The following DHRS7 variants were observed in gnomAD, a reference collection of about 807,000 sequenced individuals.
The protein encoded by DHRS7 is dehydrogenase/reductase 7, also known as dehydrogenase/reductase SDR family member 7.
DHRS7 carries 34 observed loss-of-function variants against 38.9 expected under a neutral mutation model. That is an observed-to-expected ratio of 0.87 (90% confidence interval 0.66 to 1.16). DHRS7 has a LOEUF of 1.16. Ranked by LOEUF, DHRS7 falls within the 50% of genes most tolerant of loss-of-function variation. DHRS7 has a pLI of 0.00. For missense variants in DHRS7, 421 were observed against 407.0 expected (o/e 1.03, Z -0.30); for synonymous variants, 158 against 153.1 (o/e 1.03, Z -0.24).
upstream of DHRS7, chr14:60,165,626 A>C: frequency 2.7e-6 from 3 of 1,126,814 alleles, no homozygotes; most frequent in South Asian, 3.6e-5. The surrounding 1 kb of genome is among the most constrained non-coding windows in gnomAD (Gnocchi z 4.6). Context: ...TAAATAAATA[A>C]AATTCCAGTA....
intron 5 of DHRS7, 68 bp from the exon 6 acceptor site, chr14:60,149,636 T>C: frequency 7.9e-7 from 1 of 1,268,570 alleles, no homozygotes; most frequent in South Asian, 1.5e-5. Flanking sequence ...TAGAAAGGAC[T>C]CAAATGCCGT....
At chr14:60,154,958 G>A (rs1027408400) in intron 2 of DHRS7, among the ~76,000 whole-genome samples, 1 of 151,984 alleles carries the variant, frequency 6.6e-6, no homozygotes, top group Non-Finnish European at 1.5e-5. Context: ...CTGTTGCCCT[G>A]CTGAGCACTA....
intron 4 of DHRS7, 162 bp downstream of exon 4, chr14:60,152,777 C>G: frequency 1.5e-6 from 1 of 677,568 alleles, no homozygotes; most frequent in South Asian, 1.9e-5. Flanking sequence ...TGGATCAAGT[C>G]TTTTTTAGCA....
chr14:60,150,144 C>T lies in DHRS7; in HGVS notation c.677G>A (p.Gly226Asp), dbSNP rs923670519. The change falls in exon 5 of 7, where the codon GGT becomes GAT. Residue 226 changes from glycine to aspartate, a missense_variant. Coordinates refer to ENST00000557185, the MANE Select transcript of DHRS7 (RefSeq NM_016029.4). ...TGGGCAAATGTTAGAAACTATTATA[C>T]CTGGGTATGTGGCAAGTTCTGTTCG... is the stretch of plus-strand genomic sequence containing the variant. The part of the protein sequence containing the change: ...GLRTELATYP[G>D]IIVSNICPGP... 2.5e-6 allele frequency: 4 copies of T among 1,597,582 alleles called. No individual in the cohort carries two copies. Among genetic ancestry groups the T allele is most frequent in the Non-Finnish European group, 3.4e-6 (4 of 1,174,090 alleles).
chr14:60,159,182 CAAGAT>C (rs1896714572), intron 1 of DHRS7: 1 of 357,822 alleles, frequency 2.8e-6, no homozygotes, highest in Admixed American at 3.8e-5. Flanking sequence ...ACATACACTT[CAAGAT>C]CTCCCTGTCA....
chr14:60,152,028 G>A (rs964151634), intron 4 of DHRS7, among the ~76,000 whole-genome samples: 4 of 152,136 alleles, frequency 2.6e-5, no homozygotes, highest in Admixed American at 6.5e-5. Flanking sequence ...ATAGCATTCC[G>A]CTTCATCACT....
chr14:60,160,638 C>T (rs945404355), intron 1 of DHRS7, among the ~76,000 whole-genome samples: 33 of 152,216 alleles, frequency 2.2e-4, no homozygotes, highest in African/African-American at 7.7e-4. Flanking sequence ...AGCTGGAGTG[C>T]AGTGGCATGA....
chr14:60,149,411 G>A lies in DHRS7; in HGVS notation c.914C>T (p.Ala305Val), dbSNP rs1048906207. ...TYLWQYMPTW[A>V]WWITNKMGKK... ...CCCCATCTTGTTGGTTATCCACCAG[G>A]CCCAGGTTGGCATGTATTGCCACAA... Residue 305 changes from alanine to valine, a missense_variant, in exon 6 of 7, where the codon GCC becomes GTC. Physicochemically the swap from Ala to Val is moderately conservative, Grantham distance 64. Transcript: ENST00000557185. 2 of 1,614,118 alleles carry A rather than the reference G, an allele frequency of 1.2e-6. No individual in the cohort carries two copies. The highest frequency in any genetic ancestry group is 8.5e-7 in the Non-Finnish European group (1 of 1,180,028).
At position 60,156,069 on chromosome 14, in the gene DHRS7, G is replaced by T; in HGVS notation, c.217C>A (p.Leu73Ile). 1 of 1,606,920 alleles carries T rather than the reference G, an allele frequency of 6.2e-7. No individual in the cohort carries two copies. Among genetic ancestry groups the T allele is most frequent in the South Asian group, 1.1e-5 (1 of 90,058 alleles). The change falls in exon 2 of 7, where the codon CTA (leucine) becomes ATA (isoleucine). Residue 73 changes from leucine (L) to isoleucine (I), a missense_variant. Physicochemically the swap from Leu to Ile is conservative, Grantham distance 5. Transcript: ENST00000557185. ...GEELAYQLSK[L>I]GVSLVLSARR... ...GCTGACAGCACAAGAGAAACTCCTA[G>T]TTTAGACAACTGGTAAGCCAGCTCC...
rs1896773985 is a variant in DHRS7, at chr14:60,162,045, G to A, written c.133+3132C>T. Among the ~76,000 whole-genome samples the A allele has an allele frequency of 6.6e-6, 1 of 152,032 alleles. No homozygotes were observed. Among genetic ancestry groups the A allele is most frequent in the South Asian group, 2.1e-4 (1 of 4,826 alleles). On this transcript the variant is annotated intron_variant, in intron 1 of 6. Coordinates refer to ENST00000557185, the MANE Select transcript of DHRS7 (RefSeq NM_016029.4). This position sits in a 1 kb window ranked among gnomAD's most constrained non-coding sequence, Gnocchi z 4.5. ...CTAGACTTGTGCCATGGATTTTTCTGGACCATTTTAATGTCTAAAATTAGT... is the reference window on the plus strand; with the variant it reads ...CTAGACTTGTGCCATGGATTTTTCTAGACCATTTTAATGTCTAAAATTAGT...
chr14:60,164,178 ATTTT>A (rs61331316), intron 1 of DHRS7, among the ~76,000 whole-genome samples: 5 of 118,894 alleles, frequency 4.2e-5, no homozygotes, highest in African/African-American at 7.1e-5. Flanking sequence ...GTATTACCAG[ATTTT>A]TTTTTTTTTT....
At position 60,144,219 on chromosome 14, in the gene DHRS7, A is replaced by G. The variant is rs956134118; in HGVS notation, c.*747T>C. 3.9e-5 allele frequency: 6 copies of G among 152,250 alleles called. No individual in the cohort carries two copies. Among genetic ancestry groups the G allele is most frequent in the Non-Finnish European group, 8.8e-5 (6 of 68,054 alleles). The allele number at this position is 152,250 out of a possible 1,614,324, so 9.4% of individuals were successfully genotyped here. A position where few individuals can be genotyped will look rare whatever the true frequency, so the allele number is the denominator to read the frequency against. On this transcript the variant is annotated 3_prime_UTR_variant, in exon 7 of 7. Transcript: ENST00000557185. ...CCATCTGTACCTGTCAACTTTTCTA[A>G]GAGTATAAGCATCTTGGAGGTAAGG...
chr14:60,169,157 A>AAAAAAAAAAC (rs1566539386), upstream of DHRS7: 56 of 150,206 alleles, frequency 3.7e-4, no homozygotes, highest in East Asian at 2.0e-3. Flanking sequence ...AAAAAAAAAA[A>AAAAAAAAAAC]AAAACCATTG....
chr14:60,159,146 C>A, intron 1 of DHRS7: 1 of 389,884 alleles, frequency 2.6e-6, no homozygotes, highest in South Asian at 2.2e-5. Context: ...AAAAACACAG[C>A]TTATTAATCA....
upstream of DHRS7, among the ~76,000 whole-genome samples, chr14:60,166,787 G>A (rs973745332): frequency 6.6e-6 from 1 of 152,224 alleles, no homozygotes; most frequent in African/African-American, 2.4e-5. Context: ...ATATAGTATT[G>A]TTCCAATGGA....
chr14:60,168,749 GA>G (rs1378485027), upstream of DHRS7: 1 of 1,554,384 alleles, frequency 6.4e-7, no homozygotes, highest in Admixed American at 1.9e-5. Flanking sequence ...TCAGATTTAA[GA>G]AAAACAAAAT....
chr14:60,145,263 A>G lies in DHRS7; in HGVS notation c.973-250T>C. ...GAGGTATAAATAGCATTGGACTGCA[A>G]TGCTAAATTCTCTATAATGACTTTT... On this transcript the variant is annotated intron_variant, in intron 6 of 6. Transcript: ENST00000557185. The surrounding 1 kb of genome is among the most constrained non-coding windows in gnomAD (Gnocchi z 4.0). 1 of 316,440 alleles carries G rather than the reference A, an allele frequency of 3.2e-6. No homozygotes were observed. 19.6% of individuals were successfully genotyped at this position (316,440 alleles called of 1,614,324 possible). A position where few individuals can be genotyped will look rare whatever the true frequency, so the allele number is the denominator to read the frequency against.
intron 1 of DHRS7, among the ~76,000 whole-genome samples, chr14:60,157,941 T>A (rs1437033013): frequency 1.3e-5 from 2 of 152,066 alleles, no homozygotes; most frequent in Non-Finnish European, 2.9e-5. Context: ...CATGTAAATA[T>A]CTCAACTAAG....
intron 6 of DHRS7, chr14:60,149,139 C>G (rs1264200858): frequency 5.6e-6 from 3 of 538,116 alleles, no homozygotes; most frequent in Non-Finnish European, 1.0e-5. Flanking sequence ...TGCCCAGCTA[C>G]TTTTTGTATT....
Sources: allele counts gnomAD v4.1 joint callset (sites outside exome capture counted in the v4.1 genomes callset), GRCh38; gene constraint gnomAD v4.1.1; non-coding constraint Gnocchi (gnomAD v3.1); transcripts MANE v1.5; gene names NCBI Gene and HGNC (gene_info 2026-07-23, HGNC 2026-07-21).